REXO5: variants seen among roughly 807,000 people sequenced by gnomAD.
The protein encoded by REXO5 is exonuclease NEF-sp.
Under a neutral mutation model 88.5 loss-of-function variants are expected in REXO5, and 48 were observed. The ratio of observed to expected loss-of-function variants is 0.54; its 90% CI spans 0.43 to 0.69. The LOEUF (loss-of-function observed/expected upper bound fraction) is 0.69, where lower values mean the gene tolerates loss of function less well. Ranked by LOEUF, REXO5 falls within the 30% of genes least tolerant of loss-of-function variation. The probability of loss-of-function intolerance (pLI) is 0.00; values close to 1 mark genes in which losing one functional copy is unlikely to be tolerated. For missense variants in REXO5, 749 were observed against 912.2 expected (o/e 0.82, Z 2.30); for synonymous variants, 311 against 336.5 (o/e 0.92, Z 0.83).
rs1346765683 is a variant in REXO5 at position 20,823,989 on chromosome 16, T to G, written c.617-450T>G. 2.0e-5 allele frequency among the ~76,000 whole-genome samples: 3 copies of G among 152,204 alleles called. No homozygotes were observed. The East Asian group carries it at 5.8e-4, about 29-fold the overall frequency. On this transcript the variant is annotated intron_variant, in intron 6 of 19. Coordinates refer to ENST00000261377, the MANE Select transcript of REXO5 (RefSeq NM_030941.3). ...AACTTTCTTCCTACTATGAAATCCT[T>G]TTAGATCTCCATTATGGTGGAATCT...
At chr16:20,807,291 TGAGTCGGCC>T in intron 2 of REXO5, 200 bp downstream of exon 2, 1 of 650,438 alleles carries the variant, frequency 1.5e-6, no homozygotes, top group Non-Finnish European at 2.5e-6. Flanking sequence ...ACTGGGATAG[TGAGTCGGCC>T]GAGTGCGGTG....
intron 11 of REXO5, among the ~76,000 whole-genome samples, chr16:20,831,684 A>T (rs2081347316): frequency 6.6e-6 from 1 of 152,232 alleles, no homozygotes; most frequent in Non-Finnish European, 1.5e-5. Flanking sequence ...GAAGGAGAAG[A>T]AATAACTAGA....
Position 20,824,479 on chromosome 16 carries a change from T to C in REXO5, c.657T>C (p.Asn219=). The C allele has an allele frequency of 6.2e-7, 1 of 1,611,848 alleles. No homozygotes were observed. The highest frequency in any genetic ancestry group is 8.5e-7 in the Non-Finnish European group (1 of 1,178,362). Residue 219 remains asparagine (N), a synonymous_variant, in exon 7 of 20, where the codon AAT becomes AAC. Coordinates refer to ENST00000261377, the MANE Select transcript of REXO5 (RefSeq NM_030941.3). ...DCENFLLTKC[N]GSIADNSPLF... Reference sequence around the variant, plus strand: ...AAAACTTTTTACTTACCAAATGTAATGGTTCTATAGCAGACAATAGTCCTC... The same window carrying C: ...AAAACTTTTTACTTACCAAATGTAACGGTTCTATAGCAGACAATAGTCCTC...
chr16:20,814,844 C>G, intron 3 of REXO5, 83 bp from the exon 4 acceptor site: 9 of 1,353,826 alleles, frequency 6.6e-6, no homozygotes, highest in Non-Finnish European at 7.9e-6. Context: ...TTTTCCTGCG[C>G]CTTCTCCCCT....
intron 11 of REXO5, among the ~76,000 whole-genome samples, chr16:20,831,812 G>T (rs972540243): frequency 6.8e-6 from 1 of 147,016 alleles, no homozygotes; most frequent in East Asian, 1.9e-4. Context: ...TAAATTTTAA[G>T]TGACTCAGAG....
chr16:20,832,060 T>A, intron 11 of REXO5, 96 bp from the exon 12 acceptor site: 1 of 788,152 alleles, frequency 1.3e-6, no homozygotes, highest in Non-Finnish European at 2.1e-6. Flanking sequence ...CAAGTGGATT[T>A]TTTGCTTTTT....
intron 13 of REXO5, among the ~76,000 whole-genome samples, chr16:20,836,175 A>C (rs531395044): frequency 1.3e-5 from 2 of 152,282 alleles, no homozygotes; most frequent in African/African-American, 4.8e-5. Flanking sequence ...ATAATTACCA[A>C]AGTCCATAGT....
At chr16:20,837,441 C>T (rs912782887) in intron 13 of REXO5, among the ~76,000 whole-genome samples, 5 of 152,102 alleles carry the variant, frequency 3.3e-5, no homozygotes, top group African/African-American at 9.7e-5. Flanking sequence ...TTTTCTTCCT[C>T]ATGGACTTCA....
At chr16:20,838,282 A>G (rs2072676471) in intron 13 of REXO5, among the ~76,000 whole-genome samples, 1 of 152,166 alleles carries the variant, frequency 6.6e-6, no homozygotes, top group Admixed American at 6.5e-5. Flanking sequence ...AGTAAAAAAC[A>G]TAAAATTTAC....
intron 16 of REXO5, 123 bp downstream of exon 16, chr16:20,844,149 A>C: frequency 1.6e-6 from 1 of 638,232 alleles, no homozygotes. Context: ...TGTTATGGAA[A>C]GTCTTCAGCC....
chr16:20,806,440 T>C (rs368032622), upstream of REXO5: 4 of 1,552,744 alleles, frequency 2.6e-6, no homozygotes, highest in East Asian at 2.4e-5. Context: ...TTCCCGACAC[T>C]CCTTGCTTTT....
chr16:20,806,517 A>T (rs909476386), upstream of REXO5: 9 of 1,539,006 alleles, frequency 5.8e-6, no homozygotes, highest in Admixed American at 1.8e-4. Context: ...CGCGAGGCTG[A>T]GGGGCGGTTG....
chr16:20,840,150 A>G (rs2081504256), intron 14 of REXO5, 181 bp from the exon 15 acceptor site: 6 of 539,468 alleles, frequency 1.1e-5, no homozygotes, highest in Non-Finnish European at 1.6e-5. Context: ...TGATATACCT[A>G]TTAACATTTG....
chr16:20,843,641 C>T (rs1307062480), intron 15 of REXO5, among the ~76,000 whole-genome samples: 2 of 152,238 alleles, frequency 1.3e-5, no homozygotes, highest in African/African-American at 2.4e-5. Flanking sequence ...AAATGGGAAT[C>T]TCTGCCCGTG....
intron 5 of REXO5, among the ~76,000 whole-genome samples, chr16:20,820,770 G>T (rs926658170): frequency 6.6e-6 from 1 of 150,936 alleles, no homozygotes; most frequent in Non-Finnish European, 1.5e-5. Flanking sequence ...CACCATGTTG[G>T]CCAGGCTGGT....
Position 20,821,922 on chromosome 16 carries a change from G to T in REXO5, c.616+20G>T. 1 of 1,529,720 alleles carries T rather than the reference G, an allele frequency of 6.5e-7. No homozygotes were observed. Among genetic ancestry groups the T allele is most frequent in the South Asian group, 1.3e-5 (1 of 76,880 alleles). The allele number at this position is 1,529,720 out of a possible 1,614,324, so 94.8% of individuals were successfully genotyped here. A position where few individuals can be genotyped will look rare whatever the true frequency, so the allele number is the denominator to read the frequency against. ...TACAAGGTTGGCTTAGGCTTACTCT[G>T]ATATTGCTAACAATGTAAGAATATC... On this transcript the variant is annotated intron_variant, in intron 6 of 19. Coordinates refer to ENST00000261377, the MANE Select transcript of REXO5 (RefSeq NM_030941.3).
At chr16:20,826,426 C>T (rs143630886) in intron 8 of REXO5, among the ~76,000 whole-genome samples, 1 of 152,358 alleles carries the variant, frequency 6.6e-6, no homozygotes, top group East Asian at 1.9e-4. Flanking sequence ...AATGTACACA[C>T]AGTGACTAGG....
intron 2 of REXO5, among the ~76,000 whole-genome samples, chr16:20,808,537 A>G (rs2080946644): frequency 6.6e-6 from 1 of 151,456 alleles, no homozygotes. Flanking sequence ...CTGCCCTAGT[A>G]GGTCTTATAT....
At chr16:20,808,177 G>A (rs1199568832) in intron 2 of REXO5, among the ~76,000 whole-genome samples, 1 of 152,168 alleles carries the variant, frequency 6.6e-6, no homozygotes, top group Non-Finnish European at 1.5e-5. Flanking sequence ...CCAGTCAGTG[G>A]AAAGATTATC....
Sources: allele counts gnomAD v4.1 joint callset (sites outside exome capture counted in the v4.1 genomes callset), GRCh38; gene constraint gnomAD v4.1.1; transcripts MANE v1.5; gene names NCBI Gene and HGNC (gene_info 2026-07-23, HGNC 2026-07-21).